UBE2A: variants seen among roughly 807,000 people sequenced by gnomAD.
UBE2A encodes the protein ubiquitin-conjugating enzyme E2 A.
For missense variants in UBE2A, 27 were observed against 125.8 expected (o/e 0.21, Z 3.76); for synonymous variants, 39 against 41.1 (o/e 0.95, Z 0.20).
At chrX:119,581,028 T>A (rs368755207) in intron 3 of UBE2A, 1 of 113,987 alleles carries the variant, frequency 8.8e-6, no homozygotes, top group Non-Finnish European at 1.8e-5. Context: ...ACTTTTATAC[T>A]TATTCCCTTC....
chrX:119,579,280 T>C (rs2053436451), intron 3 of UBE2A, among the ~76,000 whole-genome samples: 1 of 112,149 alleles, frequency 8.9e-6, no homozygotes, highest in East Asian at 2.8e-4. Context: ...TCAAGGAACT[T>C]GTGAGCCACC....
At position 119,583,318 on chromosome X, in the gene UBE2A, C is replaced by G; in HGVS notation, c.*63C>G. 2 of 1,182,524 alleles carry G rather than the reference C, an allele frequency of 1.7e-6. No homozygotes were observed. The highest frequency in any genetic ancestry group is 3.6e-5 in the South Asian group (2 of 56,091). On this transcript the variant is annotated 3_prime_UTR_variant, in exon 6 of 6. Coordinates refer to ENST00000371558, the MANE Select transcript of UBE2A (RefSeq NM_003336.4). ...ATATATATTGATGTGTTTGTCACCTCCCTACTCCTGTCATTACATTTACTT... is the reference window on the plus strand; with the variant it reads ...ATATATATTGATGTGTTTGTCACCTGCCTACTCCTGTCATTACATTTACTT...
chrX:119,582,823 C>A, intron 5 of UBE2A, 147 bp downstream of exon 5: 1 of 563,962 alleles, frequency 1.8e-6, no homozygotes, highest in South Asian at 2.8e-5. Context: ...ACCATTAAGA[C>A]CCAAGTCAGC....
intron 2 of UBE2A, 27 bp downstream of exon 2, chrX:119,575,008 A>AGAAAACT (rs2053404917): frequency 6.6e-6 from 8 of 1,206,093 alleles, no homozygotes; most frequent in Non-Finnish European, 9.0e-6. Flanking sequence ...GGCGGTGGCG[A>AGAAAACT]GAAAACTGGG....
intron 3 of UBE2A, chrX:119,581,157 AACAT>A (rs1427002205): frequency 7.1e-6 from 1 of 141,607 alleles, no homozygotes; most frequent in Non-Finnish European, 1.4e-5. Context: ...GCAGCTGACT[AACAT>A]AGGCCTTTGA....
chrX:119,574,571 C>G lies in UBE2A; in HGVS notation c.-141C>G. The G allele has an allele frequency of 1.2e-6, 1 of 856,528 alleles. No individual in the cohort carries two copies. Among genetic ancestry groups the G allele is most frequent in the Non-Finnish European group, 1.7e-6 (1 of 599,001 alleles). The allele number at this position is 856,528 out of a possible 1,213,427, so 70.6% of individuals were successfully genotyped here. ...GGTGCTTAGCCGGCGCCAGACCGAC[C>G]CTCGACTTCGGAGAGGCAGCGCGGT... On this transcript the variant is annotated 5_prime_UTR_variant, in exon 1 of 6. Transcript: ENST00000371558.
Position 119,574,896 on chromosome X carries a change from C to T in UBE2A, c.45-5C>T, listed in dbSNP as rs371379267. 96 of 1,210,343 alleles carry T rather than the reference C, an allele frequency of 7.9e-5. No homozygotes were observed. In the African/African-American group the frequency reaches 1.5e-3, roughly 19 times the overall value. On this transcript the variant is annotated splice_region_variant and splice_polypyrimidine_tract_variant and intron_variant, in intron 1 of 5. Transcript: ENST00000371558. ...CTAGGGGGACCCCTGTCTGTCTTCCCGAAGGTTGCAGGAGGATCCTCCAGC... is the reference window on the plus strand; with the variant it reads ...CTAGGGGGACCCCTGTCTGTCTTCCTGAAGGTTGCAGGAGGATCCTCCAGC...
chrX:119,574,612 C>T lies in UBE2A; in HGVS notation c.-100C>T. On this transcript the variant is annotated 5_prime_UTR_variant, in exon 1 of 6. Coordinates refer to ENST00000371558, the MANE Select transcript of UBE2A (RefSeq NM_003336.4). Reference sequence around the variant, plus strand: ...GCAGCGCGGTTCCTCTGGGTGCTTCCGCCTCCCCTTCTCCTGCTTCTCCAG... The same window carrying T: ...GCAGCGCGGTTCCTCTGGGTGCTTCTGCCTCCCCTTCTCCTGCTTCTCCAG... 1 of 1,086,277 alleles carries T rather than the reference C, an allele frequency of 9.2e-7. No homozygotes were observed. Among genetic ancestry groups the T allele is most frequent in the Non-Finnish European group, 1.2e-6 (1 of 805,102 alleles). The allele number at this position is 1,086,277 out of a possible 1,213,427, so 89.5% of individuals were successfully genotyped here.
chrX:119,581,524 A>G lies in UBE2A; in HGVS notation c.169A>G (p.Ile57Val). The change falls in exon 4 of 6, where the codon ATA becomes GTA. Residue 57 changes from isoleucine to valine, a missense_variant. Coordinates refer to ENST00000371558, the MANE Select transcript of UBE2A (RefSeq NM_003336.4). ...AACCACAGGAACATTTAAACTTACA[A>G]TAGAATTCACTGAAGAATATCCAAA... ...PFEDGTFKLT[I>V]EFTEEYPNKP... 4 of 1,197,429 alleles carry G rather than the reference A, an allele frequency of 3.3e-6. No homozygotes were observed. Among genetic ancestry groups the G allele is most frequent in the Non-Finnish European group, 4.5e-6 (4 of 882,380 alleles).
At position 119,575,014 on chromosome X, in the gene UBE2A, CTG is replaced by C. The variant is rs773563075; in HGVS notation, c.125+34_125+35del. ...TGCGTTCGTGGCGGTGGCGAGAAAACTGGGGACGCGAGCAGCTTCGGTCTGCG... is the reference window on the plus strand; with the variant it reads ...TGCGTTCGTGGCGGTGGCGAGAAAACGGGACGCGAGCAGCTTCGGTCTGCG... On this transcript the variant is annotated intron_variant, in intron 2 of 5. Coordinates refer to ENST00000371558, the MANE Select transcript of UBE2A (RefSeq NM_003336.4). 3.3e-6 allele frequency: 4 copies of C among 1,201,386 alleles called. No individual in the cohort carries two copies. In the East Asian group the frequency reaches 1.2e-4, roughly 36 times the overall value.
chrX:119,579,354 A>G (rs1315504887), intron 3 of UBE2A, among the ~76,000 whole-genome samples: 1 of 111,907 alleles, frequency 8.9e-6, no homozygotes, highest in Non-Finnish European at 1.9e-5. Flanking sequence ...GTACTGTTTA[A>G]TATCTGAATG....
intron 3 of UBE2A, among the ~76,000 whole-genome samples, chrX:119,578,052 T>TTA (rs1330828775): frequency 2.7e-5 from 3 of 111,783 alleles, no homozygotes; most frequent in Non-Finnish European, 5.6e-5. Context: ...ATGTATTATG[T>TTA]TATTAATTAA....
chrX:119,578,412 TTTTTA>T, intron 3 of UBE2A, among the ~76,000 whole-genome samples: 1 of 111,634 alleles, frequency 9.0e-6, no homozygotes, highest in East Asian at 2.8e-4. Flanking sequence ...GTATAAATCG[TTTTTA>T]TTTTTTTTTA....
At position 119,583,473 on chromosome X, in the gene UBE2A, C is replaced by G. The variant is rs1569407607; in HGVS notation, c.*218C>G. 2.7e-5 allele frequency: 11 copies of G among 408,877 alleles called. No homozygotes were observed. Among genetic ancestry groups the G allele is most frequent in the Middle Eastern group, 7.0e-4 (1 of 1,427 alleles). The allele number at this position is 408,877 out of a possible 1,213,427, so 33.7% of individuals were successfully genotyped here. ...AAATGTACTGTACCTGGGTTACTTGCAAAAATTACTAATGCTTCAGTTTTT... is the reference window on the plus strand; with the variant it reads ...AAATGTACTGTACCTGGGTTACTTGGAAAAATTACTAATGCTTCAGTTTTT... On this transcript the variant is annotated 3_prime_UTR_variant, in exon 6 of 6. Coordinates refer to ENST00000371558, the MANE Select transcript of UBE2A (RefSeq NM_003336.4).
intron 3 of UBE2A, among the ~76,000 whole-genome samples, chrX:119,578,416 TA>T (rs2053431777): frequency 8.9e-6 from 1 of 111,877 alleles, no homozygotes; most frequent in South Asian, 3.7e-4. Flanking sequence ...AAATCGTTTT[TA>T]TTTTTTTTTA....
chrX:119,581,628 C>G, intron 4 of UBE2A, 32 bp downstream of exon 4: 1 of 1,044,188 alleles, frequency 9.6e-7, no homozygotes, highest in Non-Finnish European at 1.3e-6. Context: ...GTGTTTTAAA[C>G]TACTATAGTG....
chrX:119,579,486 A>C (rs1261148644), intron 3 of UBE2A, among the ~76,000 whole-genome samples: 1 of 112,095 alleles, frequency 8.9e-6, no homozygotes, highest in African/African-American at 3.2e-5. Context: ...GTTTTGGAGC[A>C]CTTAACTTTG....
intron 3 of UBE2A, 26 bp from the exon 4 acceptor site, chrX:119,581,481 C>G: frequency 2.7e-6 from 3 of 1,110,534 alleles, no homozygotes; most frequent in Non-Finnish European, 3.7e-6. Context: ...AATACATTTT[C>G]TTAAATCTTT....
chrX:119,583,385 TGC>T lies in UBE2A; in HGVS notation c.*131_*132del. 1 of 1,017,009 alleles carries T rather than the reference TGC, an allele frequency of 9.8e-7. No individual in the cohort carries two copies. The highest frequency in any genetic ancestry group is 1.4e-6 in the Non-Finnish European group (1 of 735,808). The allele number at this position is 1,017,009 out of a possible 1,213,427, so 83.8% of individuals were successfully genotyped here. A position where few individuals can be genotyped will look rare whatever the true frequency, so the allele number is the denominator to read the frequency against. The stretch of plus-strand genomic sequence containing the variant: ...ACTGTTGTGCTGTTTCCATCTTCCT[TGC>T]CAAGTTTTCCTACCCCTTCTACCCT... On this transcript the variant is annotated 3_prime_UTR_variant, in exon 6 of 6. Transcript: ENST00000371558.
Sources: allele counts gnomAD v4.1 joint callset (sites outside exome capture counted in the v4.1 genomes callset), GRCh38; gene constraint gnomAD v4.1.1; transcripts MANE v1.5; gene names NCBI Gene and HGNC (gene_info 2026-07-23, HGNC 2026-07-21).